The following COMMD1 variants were observed in gnomAD, a reference collection of about 807,000 sequenced individuals.
COMMD1 encodes the protein COMM domain-containing protein 1.
Under a neutral mutation model 17.2 loss-of-function variants are expected in COMMD1, and 10 were observed. That is an observed-to-expected ratio of 0.58 (90% confidence interval 0.36 to 0.99). COMMD1 has a LOEUF of 0.99. Ranked by LOEUF, COMMD1 falls within the 50% of genes least tolerant of loss-of-function variation. The pLI is 0.01. For synonymous variants in COMMD1, 97 were observed against 91.6 expected (o/e 1.06, Z -0.34); for missense variants, 270 against 231.8 (o/e 1.17, Z -1.07).
At chr2:61,901,216 G>T (rs1669649287), upstream of COMMD1, among the ~76,000 whole-genome samples, 1 of 151,660 alleles carries the variant, frequency 6.6e-6, no homozygotes, top group Admixed American at 6.6e-5. Context: ...CAAAATGCTG[G>T]AATTACAGGT....
In COMMD1 at chr2:62,027,651, GTTA is replaced by G. The variant is rs1233495755; in HGVS notation, c.462+26671_462+26673del. On this transcript the variant is annotated intron_variant, in intron 2 of 2. Transcript: ENST00000311832. The stretch of plus-strand genomic sequence containing the variant: ...GTTATGTTATGTTATGTTATGTTAT[GTTA>G]TGTTGTGTTATGTTATGTTATGTTA... Among the ~76,000 whole-genome samples the G allele has an allele frequency of 1.1e-4, 15 of 140,882 alleles. No individual in the cohort carries two copies. In the East Asian group the frequency reaches 2.0e-3, roughly 18 times the overall value. The allele number at this position is 140,882 out of a possible 152,430, so 92.4% of individuals were successfully genotyped here.
intron 1 of COMMD1, among the ~76,000 whole-genome samples, chr2:61,962,740 G>A (rs926388778): frequency 6.6e-6 from 1 of 152,116 alleles, no homozygotes; most frequent in Non-Finnish European, 1.5e-5. Context: ...CTGTGTGATA[G>A]GTGGGTGATT....
chr2:62,134,792 A>G (rs971689257), intron 2 of COMMD1, among the ~76,000 whole-genome samples: 1 of 152,010 alleles, frequency 6.6e-6, no homozygotes, highest in African/African-American at 2.4e-5. Context: ...TTTGATATCT[A>G]CCATCTACCT....
At chr2:62,016,775 G>T (rs1395927097) in intron 2 of COMMD1, among the ~76,000 whole-genome samples, 2 of 152,082 alleles carry the variant, frequency 1.3e-5, no homozygotes, top group Non-Finnish European at 2.9e-5. Context: ...TCCTATCCAA[G>T]AAGTCATTGC....
Position 62,013,523 on chromosome 2 carries a change from A to G in COMMD1, c.462+12541A>G, listed in dbSNP as rs528958018. Among the ~76,000 whole-genome samples the G allele has an allele frequency of 3.3e-5, 5 of 152,326 alleles. No homozygotes were observed. In the South Asian group the frequency reaches 1.0e-3, roughly 32 times the overall value. On this transcript the variant is annotated intron_variant, in intron 2 of 2. Coordinates refer to ENST00000311832, the MANE Select transcript of COMMD1 (RefSeq NM_152516.4). ...TCAAACCTAGGGATAACTAATAAAA[A>G]TCAGTATTGTAGGGGGAAAAAAGTG... is the stretch of plus-strand genomic sequence containing the variant.
intron 2 of COMMD1, among the ~76,000 whole-genome samples, chr2:62,131,842 C>G (rs1172104650): frequency 6.6e-6 from 1 of 151,354 alleles, no homozygotes; most frequent in Non-Finnish European, 1.5e-5. Flanking sequence ...CACCCCTAGC[C>G]CACATCTGCA....
chr2:62,102,705 C>T (rs1452795420), intron 2 of COMMD1, among the ~76,000 whole-genome samples: 3 of 152,152 alleles, frequency 2.0e-5, no homozygotes, highest in Admixed American at 1.3e-4. Flanking sequence ...CAAAGCCAGG[C>T]ATAAAACCTA....
chr2:61,920,070 G>A (rs967705730), intron 1 of COMMD1, among the ~76,000 whole-genome samples: 32 of 152,164 alleles, frequency 2.1e-4, no homozygotes, highest in African/African-American at 7.2e-4. Flanking sequence ...TTGAGGATGT[G>A]CAGGAGGATC....
chr2:62,097,820 T>C (rs1245190864), intron 2 of COMMD1, among the ~76,000 whole-genome samples: 4 of 152,196 alleles, frequency 2.6e-5, no homozygotes, highest in African/African-American at 9.6e-5. Flanking sequence ...ACAAAGGCTC[T>C]GGTATTTTCC....
At chr2:61,907,995 A>G (rs1452336159) in intron 1 of COMMD1, among the ~76,000 whole-genome samples, 2 of 151,996 alleles carry the variant, frequency 1.3e-5, no homozygotes, top group Non-Finnish European at 2.9e-5. Context: ...GCTTTACTTT[A>G]TTTTAAATAC....
intron 1 of COMMD1, among the ~76,000 whole-genome samples, chr2:61,936,323 A>G (rs1270810065): frequency 6.6e-6 from 1 of 152,122 alleles, no homozygotes; most frequent in African/African-American, 2.4e-5. Context: ...GCAGTCACTT[A>G]TGTTGAATAT....
At chr2:61,934,935 T>C (rs1273566417) in intron 1 of COMMD1, among the ~76,000 whole-genome samples, 1 of 152,210 alleles carries the variant, frequency 6.6e-6, no homozygotes, top group Non-Finnish European at 1.5e-5. Flanking sequence ...AAATTCTTAA[T>C]TGGAATAGAT....
chr2:61,930,663 GTGTT>G (rs748122815), intron 1 of COMMD1, among the ~76,000 whole-genome samples: 20 of 151,636 alleles, frequency 1.3e-4, no homozygotes, highest in Non-Finnish European at 2.5e-4. Flanking sequence ...GTGTGAGTGA[GTGTT>G]TGAGCTCACC....
At chr2:61,905,041 T>A (rs1330002944), upstream of COMMD1, among the ~76,000 whole-genome samples, 1 of 152,232 alleles carries the variant, frequency 6.6e-6, no homozygotes, top group Non-Finnish European at 1.5e-5. Context: ...GAATAATATA[T>A]TGATTTTAAA....
Position 62,066,163 on chromosome 2 carries a change from C to A in COMMD1, c.462+65181C>A, listed in dbSNP as rs187575120. 1.5e-4 allele frequency among the ~76,000 whole-genome samples: 23 copies of A among 152,220 alleles called. 1 individual carries two copies. Among genetic ancestry groups the A allele is most frequent in the African/African-American group, 5.3e-4 (22 of 41,550 alleles). On this transcript the variant is annotated intron_variant, in intron 2 of 2. Transcript: ENST00000311832. ...AAATTGGAGAGAGGACAACTGGATT[C>A]TTGAATTATTTGTCATTTCTAATCT...
intron 1 of COMMD1, among the ~76,000 whole-genome samples, chr2:61,977,241 C>CTTTTTTTT (rs1160361696): frequency 1.1e-5 from 1 of 88,810 alleles, no homozygotes; most frequent in Non-Finnish European, 2.2e-5. Context: ...ATAAAGTTTG[C>CTTTTTTTT]TTTTTTTTTT....
At chr2:62,107,934 T>C (rs1005486905) in intron 2 of COMMD1, among the ~76,000 whole-genome samples, 2 of 152,184 alleles carry the variant, frequency 1.3e-5, no homozygotes, top group African/African-American at 2.4e-5. Flanking sequence ...GAATTCAATG[T>C]CTTTCACATT....
intron 2 of COMMD1, among the ~76,000 whole-genome samples, chr2:62,017,949 T>G (rs1558564174): frequency 6.6e-6 from 1 of 151,072 alleles, no homozygotes; most frequent in Non-Finnish European, 1.5e-5. Context: ...GAGGCTGAGA[T>G]AGGAGGATCA....
chr2:62,000,824 A>G lies in COMMD1; in HGVS notation c.304A>G (p.Lys102Glu). Residue 102 changes from lysine to glutamate, a missense_variant, in exon 2 of 3, where the codon AAG (lysine) becomes GAG (glutamate). Physicochemically the swap from Lys to Glu is moderately conservative, Grantham distance 56 (BLOSUM62 1). Coordinates refer to ENST00000311832, the MANE Select transcript of COMMD1 (RefSeq NM_152516.4). The part of the protein sequence containing the change: ...AVISKFWKSH[K>E]TKIRESLMNQ... ...CATTTCCAAATTCTGGAAGAGCCACAAGACAAAAATCCGTGAGAGCCTCAT... is the reference window on the plus strand; with the variant it reads ...CATTTCCAAATTCTGGAAGAGCCACGAGACAAAAATCCGTGAGAGCCTCAT... 1 of 1,614,206 alleles carries G rather than the reference A, an allele frequency of 6.2e-7. No individual in the cohort carries two copies. Among genetic ancestry groups the G allele is most frequent in the South Asian group, 1.1e-5 (1 of 91,088 alleles).
Sources: allele counts gnomAD v4.1 joint callset (sites outside exome capture counted in the v4.1 genomes callset), GRCh38; gene constraint gnomAD v4.1.1; transcripts MANE v1.5; gene names NCBI Gene and HGNC (gene_info 2026-07-23, HGNC 2026-07-21).